The following NLRP7 variants were observed in gnomAD, a reference collection of about 807,000 sequenced individuals.
NLRP7 encodes the protein NACHT, LRR and PYD domains-containing protein 7.
In NLRP7, 72 loss-of-function variants were observed where a neutral mutation model predicts 85.5. That is an observed-to-expected ratio of 0.84 (90% CI 0.70 to 1.02). The LOEUF is 1.02. Among genes scored for constraint, NLRP7 ranks in the 50% least tolerant of loss-of-function variants. NLRP7 has a pLI of 0.00. For synonymous variants in NLRP7, 550 were observed against 505.2 expected, an observed-to-expected ratio of 1.09 and a Z score of -1.19; for missense variants, 1,243 against 1,219.5, an observed-to-expected ratio of 1.02 and a Z score of -0.29.
intron 1 of NLRP7, among the ~76,000 whole-genome samples, chr19:54,958,192 A>G (rs895627877): frequency 1.1e-4 from 17 of 152,030 alleles, no homozygotes; most frequent in Non-Finnish European, 4.4e-5. Context: ...TCTCAGGTGA[A>G]AGAAAGACAA....
chr19:54,939,304 G>C (rs1483819822), exon 4 of NLRP7: 1 of 1,613,968 alleles, frequency 6.2e-7, no homozygotes. Context: ...TTTCTTCTCC[G>C]GAAAGCAGCT....
At position 54,929,290 on chromosome 19, in the gene NLRP7, T is replaced by G. The variant is rs1007476172; in HGVS notation, c.2810+1209A>C. Among the ~76,000 whole-genome samples, 3 of 151,888 alleles carry G rather than the reference T, an allele frequency of 2.0e-5. No homozygotes were observed. In the South Asian group the frequency reaches 6.2e-4, roughly 31 times the overall value. ...TCAATCAGGAGAATCGCTTGAACCT[T>G]GGAGGCTGAGGTTGCAGTGAGCCAA... On this transcript the variant is annotated intron_variant, in intron 9 of 9. Coordinates refer to ENST00000340844, the Ensembl canonical transcript of NLRP7.
intron 1 of NLRP7, among the ~76,000 whole-genome samples, chr19:54,961,788 G>C (rs1240611361): frequency 6.6e-6 from 1 of 151,604 alleles, no homozygotes; most frequent in Non-Finnish European, 1.5e-5. Flanking sequence ...CTCCAGCCTG[G>C]GCAACAGAGC....
chr19:54,962,868 G>A (rs957252762), intron 1 of NLRP7, among the ~76,000 whole-genome samples: 11 of 152,012 alleles, frequency 7.2e-5, no homozygotes, highest in African/African-American at 1.4e-4. Context: ...CAAAGTGCTG[G>A]GATTACAGGC....
At chr19:54,930,447 G>T in intron 9 of NLRP7, 52 bp downstream of exon 9, 1 of 1,320,398 alleles carries the variant, frequency 7.6e-7, no homozygotes, top group Non-Finnish European at 1.1e-6. Flanking sequence ...GGGGGACAGA[G>T]CAAGACCCTG....
At chr19:54,965,911 AT>A in intron 1 of NLRP7, 6 of 93,068 alleles carry the variant, frequency 6.4e-5, no homozygotes, top group Non-Finnish European at 1.3e-4. Context: ...GCAAGACTCC[AT>A]TAAAAATAAA....
At position 54,933,611 on chromosome 19, in the gene NLRP7, C is replaced by CA; in HGVS notation, c.2599dup (p.Cys867LeufsTer2). ...ACAATCAGGGTAACTCAAGCCCTCA[C>CA]ACAGAAACTTCACCCCTGTATCCCC... On this transcript the variant is annotated frameshift_variant, in exon 8 of 10. Coordinates refer to ENST00000340844, the Ensembl canonical transcript of NLRP7. LOFTEE classifies it high-confidence loss of function. The CA allele has an allele frequency of 6.2e-7, 1 of 1,614,236 alleles. No homozygotes were observed. The highest frequency in any genetic ancestry group is 1.1e-5 in the South Asian group (1 of 91,092).
At chr19:54,927,631 T>C in intron 9 of NLRP7, 1 of 1,614,166 alleles carries the variant, frequency 6.2e-7, no homozygotes, top group African/African-American at 1.3e-5. Context: ...ATCCAGTTCT[T>C]TGTCTTAGAA....
At chr19:54,941,841 T>A in intron 1 of NLRP7, 91 bp from the exon 2 acceptor site, 1 of 953,424 alleles carries the variant, frequency 1.0e-6, no homozygotes, top group Non-Finnish European at 1.5e-6. Flanking sequence ...CTGTTCCTGC[T>A]GTACAGTGAG....
intron 1 of NLRP7, among the ~76,000 whole-genome samples, chr19:54,955,319 A>C (rs2069817010): frequency 6.6e-6 from 1 of 152,020 alleles, no homozygotes; most frequent in Non-Finnish European, 1.5e-5. Flanking sequence ...ACAAGAGTGA[A>C]ACTCCGTCTC....
chr19:54,943,330 G>C (rs775887), intron 1 of NLRP7, among the ~76,000 whole-genome samples: 9 of 151,472 alleles, frequency 5.9e-5, no homozygotes, highest in Middle Eastern at 3.2e-3. Context: ...GGCCGGGTGC[G>C]GTGGCTCACG....
intron 9 of NLRP7, among the ~76,000 whole-genome samples, chr19:54,926,762 A>G (rs961667471): frequency 2.6e-5 from 4 of 151,612 alleles, no homozygotes; most frequent in African/African-American, 9.7e-5. Context: ...CTAAAAATAC[A>G]AAAATTAGCT....
At chr19:54,930,576 A>G (rs1264717924) in exon 9 of NLRP7, 1 of 1,612,148 alleles carries the variant, frequency 6.2e-7, no homozygotes, top group Admixed American at 1.7e-5. Context: ...TCTGGTTGAT[A>G]CTCAAGTCCA....
chr19:54,954,215 T>G (rs1178429796), intron 1 of NLRP7, among the ~76,000 whole-genome samples: 2 of 147,942 alleles, frequency 1.4e-5, no homozygotes, highest in Admixed American at 6.8e-5. Context: ...GTTTAGCATA[T>G]CCATAGAAAT....
chr19:54,944,912 T>C (rs2069398339), intron 1 of NLRP7, among the ~76,000 whole-genome samples: 1 of 152,108 alleles, frequency 6.6e-6, no homozygotes, highest in Admixed American at 6.6e-5. Flanking sequence ...CCTTTCGTTT[T>C]TGCAGTGACA....
chr19:54,945,179 C>T (rs2069411174), intron 1 of NLRP7, among the ~76,000 whole-genome samples: 1 of 145,554 alleles, frequency 6.9e-6, no homozygotes, highest in Admixed American at 7.0e-5. Flanking sequence ...GGAGGCGGAG[C>T]TTGCAGTGAG....
chr19:54,950,169 C>G (rs1048383572), upstream of NLRP7, among the ~76,000 whole-genome samples: 1 of 151,968 alleles, frequency 6.6e-6, no homozygotes, highest in African/African-American at 2.4e-5. Flanking sequence ...CATTCGTGTG[C>G]CAGGACTGTG....
intron 1 of NLRP7, among the ~76,000 whole-genome samples, chr19:54,953,556 G>A (rs922236909): frequency 6.7e-6 from 1 of 149,134 alleles, no homozygotes; most frequent in Non-Finnish European, 1.5e-5. Context: ...TTCCTGGGCC[G>A]CGGGGCTGTC....
intron 1 of NLRP7, among the ~76,000 whole-genome samples, chr19:54,959,688 C>T (rs1568438219): frequency 6.6e-6 from 1 of 151,636 alleles, no homozygotes; most frequent in South Asian, 2.1e-4. Flanking sequence ...TACTCTGAGA[C>T]CCTGTTTCTA....
Sources: gnomAD v4.1 joint callset for allele counts (sites outside exome capture counted in the v4.1 genomes callset) on GRCh38, gnomAD v4.1.1 for gene constraint, MANE v1.5 for transcripts, NCBI Gene and HGNC (gene_info 2026-07-23, HGNC 2026-07-21) for gene names.